DDX23: variants seen among roughly 807,000 people sequenced by gnomAD.
DDX23 encodes the protein DEAD-box helicase 23.
Under a neutral mutation model 102.7 loss-of-function variants are expected in DDX23, and 33 were observed. That is an observed-to-expected ratio of 0.32 (90% CI 0.24 to 0.43). The LOEUF (loss-of-function observed/expected upper bound fraction) is 0.43, where lower values mean the gene tolerates loss of function less well. Among genes scored for constraint, DDX23 ranks in the 20% least tolerant of loss-of-function variants. The pLI is 1.00. For missense variants in DDX23, 549 were observed against 1,086.6 expected (o/e 0.51, Z 6.96); for synonymous variants, 352 against 376.0 (o/e 0.94, Z 0.74).
chr12:48,837,988 C>T lies in DDX23; in HGVS notation c.573G>A (p.Glu191=), dbSNP rs1938489164. ...CTTGGAACTGTTTCCTTTTCTTCCT[C>T]TCTTCTTCAAGCATCCTCTGCCGCT... ...VEERQRMLEE[E]RKKRKQFQDL... The change falls in exon 6 of 17, where the codon GAG becomes GAA. Residue 191 remains glutamate, a synonymous_variant. Transcript: ENST00000308025. 4.3e-6 allele frequency: 7 copies of T among 1,613,974 alleles called. No homozygotes were observed. The East Asian group carries it at 1.6e-4, about 36-fold the overall frequency.
chr12:48,836,601 T>C lies in DDX23; in HGVS notation c.1204A>G (p.Ile402Val). ...CCACACTTATCAATGACCTCCAAGA[T>C]GTGTGGGGGCAGAGAAGAGTCTTTC... is the stretch of plus-strand genomic sequence containing the variant. ...SWKDSSLPPH[I>V]LEVIDKCGYK... The change falls in exon 10 of 17, where the codon ATC becomes GTC. Residue 402 changes from isoleucine to valine, a missense_variant. Physicochemically the swap from Ile to Val is conservative, Grantham distance 29. Around this residue, in one of 4 missense-constraint regions of DDX23, gnomAD observed 270 missense variants for 707.0 expected, o/e 0.38. Transcript: ENST00000308025. This position sits in a 1 kb window ranked among gnomAD's most constrained non-coding sequence, Gnocchi z 6.1. 6.2e-7 allele frequency: 1 copy of C among 1,613,878 alleles called. No homozygotes were observed. The highest frequency in any genetic ancestry group is 8.5e-7 in the Non-Finnish European group (1 of 1,180,010).
Position 48,832,978 on chromosome 12 carries a change from G to A in DDX23, c.1803+299C>T. Reference sequence around the variant, plus strand: ...GGCCCAAAAGGAGGTTGGCAACCTTGTACAACTTTTCTTTTTTTTTGAGAC... The same window carrying A: ...GGCCCAAAAGGAGGTTGGCAACCTTATACAACTTTTCTTTTTTTTTGAGAC... On this transcript the variant is annotated intron_variant, in intron 13 of 16. Transcript: ENST00000308025. The surrounding 1 kb of genome is among the most constrained non-coding windows in gnomAD (Gnocchi z 4.4). 1 of 468,618 alleles carries A rather than the reference G, an allele frequency of 2.1e-6. No homozygotes were observed. Among genetic ancestry groups the A allele is most frequent in the South Asian group, 2.3e-5 (1 of 43,386 alleles). 29.0% of individuals were successfully genotyped at this position (468,618 alleles called of 1,614,324 possible). A position where few individuals can be genotyped will look rare whatever the true frequency, so the allele number is the denominator to read the frequency against.
intron 7 of DDX23, 63 bp downstream of exon 7, chr12:48,837,461 G>A: frequency 6.2e-7 from 1 of 1,612,882 alleles, no homozygotes; most frequent in Non-Finnish European, 8.5e-7. Context: ...AGATCACAAT[G>A]GCCAAATAAC....
intron 11 of DDX23, chr12:48,835,189 C>A: frequency 3.7e-6 from 1 of 269,902 alleles, no homozygotes. Flanking sequence ...TTGCTGTAAG[C>A]CAAGATCACA....
chr12:48,831,409 GGA>G (rs1938384495), intron 15 of DDX23, 93 bp from the exon 16 acceptor site: 1 of 1,223,536 alleles, frequency 8.2e-7, no homozygotes, highest in African/African-American at 1.5e-5. Flanking sequence ...AGGGAGGGTT[GGA>G]GAGAGCAGCA....
Position 48,844,041 on chromosome 12 carries a change from C to T in DDX23, c.219G>A (p.Arg73=), listed in dbSNP as rs771677944. 3 of 1,614,122 alleles carry T rather than the reference C, an allele frequency of 1.9e-6. No individual in the cohort carries two copies. In the South Asian group the frequency reaches 3.3e-5, roughly 18 times the overall value. Residue 73 remains arginine (R), a synonymous_variant, in exon 3 of 17, where the codon CGG becomes CGA. Coordinates refer to ENST00000308025, the MANE Select transcript of DDX23 (RefSeq NM_004818.3). ...SRSKSAERER[R]HKERERDKER... Reference sequence around the variant, plus strand: ...CCTTATCTCGTTCTCGTTCTTTGTGCCGTCGTTCTCTGGAAGACCGCAAAT... The same window carrying T: ...CCTTATCTCGTTCTCGTTCTTTGTGTCGTCGTTCTCTGGAAGACCGCAAAT...
chr12:48,835,569 G>T (rs913036594), intron 11 of DDX23, among the ~76,000 whole-genome samples: 3 of 152,156 alleles, frequency 2.0e-5, no homozygotes, highest in African/African-American at 7.2e-5. Context: ...AATTAGCCGG[G>T]CATGGTGACG....
intron 8 of DDX23, 97 bp downstream of exon 8, chr12:48,837,184 C>G: frequency 6.5e-7 from 1 of 1,550,012 alleles, no homozygotes; most frequent in Non-Finnish European, 8.8e-7. Flanking sequence ...ACCAATTTTC[C>G]ATCCCAGCTT....
chr12:48,837,578 C>T lies in DDX23; in HGVS notation c.699G>A (p.Gly233=). 1 of 1,614,140 alleles carries T rather than the reference C, an allele frequency of 6.2e-7. No individual in the cohort carries two copies. The highest frequency in any genetic ancestry group is 1.6e-4 in the Middle Eastern group (1 of 6,062). The part of the protein sequence containing the change: ...RETNGNEDEE[G]RQKIREEKDK... ...CCTTCTCTTCCCGGATCTTCTGCCG[C>T]CCTTCCTCATCCTCATTTCCATTGG... Residue 233 remains glycine (G), a synonymous_variant, in exon 7 of 17, where the codon GGG becomes GGA. Coordinates refer to ENST00000308025, the MANE Select transcript of DDX23 (RefSeq NM_004818.3).
chr12:48,845,436 C>A, intron 2 of DDX23, 138 bp downstream of exon 2: 7 of 996,234 alleles, frequency 7.0e-6, no homozygotes, highest in Non-Finnish European at 1.0e-5. Context: ...GTCTGGGTAA[C>A]AAACAGAGCG....
intron 2 of DDX23, among the ~76,000 whole-genome samples, chr12:48,844,642 T>A (rs1180884421): frequency 5.3e-5 from 8 of 150,722 alleles, no homozygotes; most frequent in African/African-American, 2.0e-4. Context: ...ACTTTTTTTT[T>A]TTTTATTTTT....
In DDX23 at chr12:48,832,105, C is replaced by A. The variant is rs750547017; in HGVS notation, c.2037G>T (p.Val679=). The change falls in exon 15 of 17, where the codon GTG becomes GTT. Residue 679 remains valine (V), a synonymous_variant. Coordinates refer to ENST00000308025, the MANE Select transcript of DDX23 (RefSeq NM_004818.3). The surrounding 1 kb of genome is among the most constrained non-coding windows in gnomAD (Gnocchi z 4.4). ...CCATCTTCTCCAGGGATTTGGCCAA[C>A]ACGTCGCAGCCCTTCTTCTGGTTGA... The part of the protein sequence containing the change: ...IFVNQKKGCD[V]LAKSLEKMGY... 6.2e-7 allele frequency: 1 copy of A among 1,613,914 alleles called. No individual in the cohort carries two copies. The highest frequency in any genetic ancestry group is 1.3e-5 in the African/African-American group (1 of 74,860).
chr12:48,831,357 CAAG>C, intron 15 of DDX23, 41 bp from the exon 16 acceptor site: 3 of 1,600,268 alleles, frequency 1.9e-6, no homozygotes, highest in Non-Finnish European at 2.6e-6. Context: ...GCAATGCAAT[CAAG>C]GAGAGACACA....
chr12:48,833,615 C>T (rs540395479), intron 12 of DDX23, 96 bp from the exon 13 acceptor site: 4 of 1,474,688 alleles, frequency 2.7e-6, no homozygotes, highest in Non-Finnish European at 3.6e-6. Flanking sequence ...ACCTCCAATG[C>T]TGAGGAACTT....
intron 3 of DDX23, among the ~76,000 whole-genome samples, chr12:48,840,447 G>A (rs979623558): frequency 3.4e-4 from 51 of 152,202 alleles, no homozygotes; most frequent in African/African-American, 1.2e-3. Flanking sequence ...AAGACAGGTG[G>A]GTTACCTGAG....
At chr12:48,842,263 G>A (rs867206884) in intron 3 of DDX23, among the ~76,000 whole-genome samples, 235 of 134,360 alleles carry the variant, frequency 1.7e-3, no homozygotes, top group East Asian at 2.3e-3. Flanking sequence ...GCCCATCCGG[G>A]AGGGAGGTGG....
At chr12:48,834,594 G>T in intron 11 of DDX23, 97 bp from the exon 12 acceptor site, 2 of 1,131,628 alleles carry the variant, frequency 1.8e-6, no homozygotes, top group Non-Finnish European at 2.6e-6. Flanking sequence ...GGAGCAATGG[G>T]AATGGGGAGG....
intron 3 of DDX23, among the ~76,000 whole-genome samples, chr12:48,841,689 C>A (rs1938553667): frequency 6.6e-6 from 1 of 152,256 alleles, no homozygotes; most frequent in African/African-American, 2.4e-5. Context: ...TCTCCAGCTC[C>A]TGACCGCGAG....
At chr12:48,837,767 TTATGA>T in intron 6 of DDX23, 110 bp from the exon 7 acceptor site, 1 of 1,545,344 alleles carries the variant, frequency 6.5e-7, no homozygotes, top group Non-Finnish European at 8.7e-7. Flanking sequence ...AGGGGTAGAC[TTATGA>T]TATGGGGTAA....
Sources: allele counts gnomAD v4.1 joint callset (sites outside exome capture counted in the v4.1 genomes callset), GRCh38; gene constraint gnomAD v4.1.1; regional missense constraint gnomAD v4.1.1; non-coding constraint Gnocchi (gnomAD v3.1); transcripts MANE v1.5; gene names NCBI Gene and HGNC (gene_info 2026-07-23, HGNC 2026-07-21).